CSMD2: variants seen among roughly 807,000 people sequenced by gnomAD.
The protein encoded by CSMD2 is CUB and Sushi multiple domains 2, also known as CUB and sushi domain-containing protein 2.
Under a neutral mutation model 398.5 loss-of-function variants are expected in CSMD2, and 130 were observed. The ratio of observed to expected loss-of-function variants is 0.33; its 90% CI spans 0.28 to 0.38. The LOEUF (loss-of-function observed/expected upper bound fraction) is 0.38, where lower values mean the gene tolerates loss of function less well. Ranked by LOEUF, CSMD2 falls within the 10% of genes least tolerant of loss-of-function variation. The probability of loss-of-function intolerance (pLI) is 1.00; values close to 1 mark genes in which losing one functional copy is unlikely to be tolerated. For synonymous variants in CSMD2, 1,828 were observed against 1,908.5 expected, an observed-to-expected ratio of 0.96 and a Z score of 1.10; for missense variants, 3,829 against 4,764.9, an observed-to-expected ratio of 0.80 and a Z score of 5.78.
Position 33,890,569 on chromosome 1 carries a change from T to C in CSMD2, c.920+27525A>G, listed in dbSNP as rs570901465. Reference sequence around the variant, plus strand: ...TAAATTTTTTTTTGTGGGCTCTTTTTTTCAGCCCGCATCGCCAAGTCAATC... The same window carrying C: ...TAAATTTTTTTTTGTGGGCTCTTTTCTTCAGCCCGCATCGCCAAGTCAATC... On this transcript the variant is annotated intron_variant, in intron 5 of 70. Transcript: ENST00000373381. Among the ~76,000 whole-genome samples, 31 of 152,184 alleles carry C rather than the reference T, an allele frequency of 2.0e-4. 1 individual carries two copies. The South Asian group carries it at 6.4e-3, about 32-fold the overall frequency.
In CSMD2 at chr1:34,103,314, T is replaced by TTTC. The variant is rs1553316154; in HGVS notation, c.188-14122_188-14121insGAA. 5.7e-4 allele frequency among the ~76,000 whole-genome samples: 65 copies of TTTC among 114,650 alleles called. 15 individuals carry two copies. The highest frequency in any genetic ancestry group is 6.1e-4 in the Non-Finnish European group (35 of 57,676). 75.2% of individuals were successfully genotyped at this position (114,650 alleles called of 152,430 possible). A position where few individuals can be genotyped will look rare whatever the true frequency, so the allele number is the denominator to read the frequency against. On this transcript the variant is annotated intron_variant, in intron 1 of 70. Coordinates refer to ENST00000373381, the MANE Select transcript of CSMD2 (RefSeq NM_001281956.2). The stretch of plus-strand genomic sequence containing the variant: ...CTTTTTTTTTTTTTTTTTTTTTCTT[T>TTTC]CTGAGCCAGATTCTCGCTCTGTCAA...
chr1:33,673,493 C>T (rs1328380489), intron 25 of CSMD2, among the ~76,000 whole-genome samples: 1 of 152,154 alleles, frequency 6.6e-6, no homozygotes, highest in East Asian at 1.9e-4. Context: ...GATCGGTGTA[C>T]CTGAAAGTGA....
chr1:34,082,247 C>T (rs1657283929), intron 2 of CSMD2, among the ~76,000 whole-genome samples: 1 of 150,082 alleles, frequency 6.7e-6, no homozygotes, highest in African/African-American at 2.5e-5. Flanking sequence ...CGGCCGCGAC[C>T]CCGTCTGGGA....
At chr1:33,999,313 G>T (rs1191384109) in intron 3 of CSMD2, among the ~76,000 whole-genome samples, 1 of 152,174 alleles carries the variant, frequency 6.6e-6, no homozygotes, top group Non-Finnish European at 1.5e-5. Flanking sequence ...TGGCAGGCTG[G>T]ACAGCTTTGA....
At chr1:33,664,674 G>A (rs1421737671) in intron 25 of CSMD2, among the ~76,000 whole-genome samples, 1 of 151,906 alleles carries the variant, frequency 6.6e-6, no homozygotes. Flanking sequence ...GAGGTGGCGG[G>A]CGCCTGTAGT....
At chr1:33,762,904 T>A (rs1208538216) in intron 13 of CSMD2, among the ~76,000 whole-genome samples, 1 of 152,138 alleles carries the variant, frequency 6.6e-6, no homozygotes, top group Non-Finnish European at 1.5e-5. Flanking sequence ...TTGCTGCATT[T>A]AAATTAAATG....
intron 62 of CSMD2, among the ~76,000 whole-genome samples, chr1:33,535,082 C>A (rs888681227): frequency 6.6e-6 from 1 of 152,206 alleles, no homozygotes; most frequent in Non-Finnish European, 1.5e-5. Context: ...AAATACTTAT[C>A]ATGGCTTCAA....
At chr1:34,006,732 T>G (rs866510718) in intron 3 of CSMD2, among the ~76,000 whole-genome samples, 1 of 152,136 alleles carries the variant, frequency 6.6e-6, no homozygotes, top group African/African-American at 2.4e-5. Flanking sequence ...AGTTCATTCT[T>G]GGGTACTAGG....
At chr1:33,920,572 C>T (rs1643905079) in intron 4 of CSMD2, among the ~76,000 whole-genome samples, 1 of 142,720 alleles carries the variant, frequency 7.0e-6, no homozygotes, top group African/African-American at 2.6e-5. Context: ...AAAAGAGACC[C>T]AAAGGGCTGG....
chr1:34,001,298 T>G (rs1411659764), intron 3 of CSMD2, among the ~76,000 whole-genome samples: 1 of 152,034 alleles, frequency 6.6e-6, no homozygotes, highest in Non-Finnish European at 1.5e-5. Flanking sequence ...ATAGTGAAAG[T>G]TGAATTTCAA....
At chr1:33,921,106 TGAATGCC>T (rs989469318) in intron 4 of CSMD2, among the ~76,000 whole-genome samples, 20 of 152,204 alleles carry the variant, frequency 1.3e-4, no homozygotes, top group Admixed American at 7.2e-4. Flanking sequence ...CGAAGGTCCT[TGAATGCC>T]GAGTAGAGGA....
intron 44 of CSMD2, among the ~76,000 whole-genome samples, chr1:33,587,837 C>A (rs533409576): frequency 3.9e-4 from 59 of 152,274 alleles, no homozygotes; most frequent in Admixed American, 1.8e-3. Flanking sequence ...TCAGTGTGGG[C>A]TCATAACCTG....
At chr1:33,807,235 C>T (rs370119707) in intron 10 of CSMD2, among the ~76,000 whole-genome samples, 27 of 152,228 alleles carry the variant, frequency 1.8e-4, no homozygotes, top group East Asian at 9.6e-4. Flanking sequence ...TGAATACTAG[C>T]GTTCTTTCAA....
At chr1:34,077,212 C>CT (rs1004411113) in intron 2 of CSMD2, among the ~76,000 whole-genome samples, 3 of 151,668 alleles carry the variant, frequency 2.0e-5, no homozygotes, top group Non-Finnish European at 4.4e-5. Flanking sequence ...AATCCCAGCA[C>CT]TTTGGGAGGC....
chr1:33,952,110 G>A (rs1645026020), intron 3 of CSMD2, among the ~76,000 whole-genome samples: 1 of 152,220 alleles, frequency 6.6e-6, no homozygotes, highest in African/African-American at 2.4e-5. Context: ...GAGAAGAGCA[G>A]TTAAGGGCTG....
chr1:33,541,009 C>G, intron 59 of CSMD2, 121 bp downstream of exon 59: 1 of 1,016,778 alleles, frequency 9.8e-7, no homozygotes, highest in Non-Finnish European at 1.5e-6. Flanking sequence ...CTTGCACATC[C>G]CCTGATAAGA....
At chr1:33,552,642 T>C (rs1201596036) in intron 55 of CSMD2, among the ~76,000 whole-genome samples, 2 of 152,214 alleles carry the variant, frequency 1.3e-5, no homozygotes, top group Non-Finnish European at 2.9e-5. Context: ...AAAACGTGGA[T>C]GAACTTTGAA....
intron 1 of CSMD2, among the ~76,000 whole-genome samples, chr1:34,120,590 G>A (rs1662077599): frequency 6.6e-6 from 1 of 152,160 alleles, no homozygotes; most frequent in Admixed American, 6.5e-5. Context: ...TGTTGCCCAG[G>A]CTGGAGTACA....
At chr1:34,095,706 C>T (rs918411599) in intron 1 of CSMD2, among the ~76,000 whole-genome samples, 36 of 151,214 alleles carry the variant, frequency 2.4e-4, no homozygotes, top group African/African-American at 8.5e-4. Flanking sequence ...CAAGACTAAA[C>T]CAGGAAGAAG....
Sources: allele counts gnomAD v4.1 joint callset (sites outside exome capture counted in the v4.1 genomes callset), GRCh38; gene constraint gnomAD v4.1.1; transcripts MANE v1.5; gene names NCBI Gene and HGNC (gene_info 2026-07-23, HGNC 2026-07-21).